FNDC1: variants seen among roughly 807,000 people sequenced by gnomAD.
FNDC1 encodes fibronectin type III domain-containing protein 1.
FNDC1 carries 96 observed loss-of-function variants against 168.0 expected under a neutral mutation model. The observed-to-expected ratio is 0.57, with a 90% CI of 0.48 to 0.68. The LOEUF is 0.68. FNDC1 is among the 30% of genes least tolerant of loss of function. The pLI, the probability that FNDC1 is intolerant of heterozygous loss-of-function variation, is 0.00. For synonymous variants in FNDC1, 1,099 were observed against 1,025.9 expected (o/e 1.07, Z -1.36); for missense variants, 2,587 against 2,482.1 (o/e 1.04, Z -0.90).
intron 14 of FNDC1, among the ~76,000 whole-genome samples, chr6:159,241,662 C>T (rs978477953): frequency 2.0e-5 from 3 of 152,180 alleles, no homozygotes; most frequent in Admixed American, 1.3e-4. Flanking sequence ...AAAAAGACTT[C>T]CATATGCCCT....
intron 1 of FNDC1, among the ~76,000 whole-genome samples, chr6:159,188,332 G>A: frequency 6.6e-6 from 1 of 151,516 alleles, no homozygotes; most frequent in Admixed American, 6.6e-5. Flanking sequence ...CACTAGGAAT[G>A]GCAGTCGTAC....
intron 22 of FNDC1, among the ~76,000 whole-genome samples, chr6:159,269,838 T>G (rs748279824): frequency 6.6e-6 from 1 of 152,150 alleles, no homozygotes; most frequent in Non-Finnish European, 1.5e-5. Flanking sequence ...TTTGAATGAT[T>G]GGACAAGGCC....
At chr6:159,177,081 T>C (rs148226937) in intron 1 of FNDC1, among the ~76,000 whole-genome samples, 92 of 152,180 alleles carry the variant, frequency 6.0e-4, no homozygotes, top group African/African-American at 2.0e-3. Context: ...TCTTGAACAG[T>C]TGAGTATGTT....
intron 11 of FNDC1, 112 bp downstream of exon 11, chr6:159,234,591 G>T: frequency 5.1e-6 from 5 of 979,454 alleles, no homozygotes; most frequent in Non-Finnish European, 7.6e-6. Context: ...CACGCACCGT[G>T]TTAAGAGCTT....
intron 5 of FNDC1, 38 bp downstream of exon 5, chr6:159,215,189 G>A: frequency 1.3e-6 from 2 of 1,565,032 alleles, no homozygotes; most frequent in Non-Finnish European, 1.8e-6. Context: ...TGTTTCCATG[G>A]TCTTTGGGAT....
intron 10 of FNDC1, among the ~76,000 whole-genome samples, chr6:159,230,306 A>G (rs1783053597): frequency 6.6e-6 from 1 of 152,184 alleles, no homozygotes; most frequent in Admixed American, 6.5e-5. Flanking sequence ...GAACATTTTT[A>G]CAAATGGTAG....
At chr6:159,192,754 A>G (rs1209638172) in intron 1 of FNDC1, among the ~76,000 whole-genome samples, 1 of 152,204 alleles carries the variant, frequency 6.6e-6, no homozygotes, top group Non-Finnish European at 1.5e-5. Flanking sequence ...AAGCCTGTGT[A>G]GCATCCCACA....
chr6:159,266,197 C>G lies in FNDC1; in HGVS notation c.5398C>G (p.Leu1800Val). 1 of 1,613,988 alleles carries G rather than the reference C, an allele frequency of 6.2e-7. No individual in the cohort carries two copies. Among genetic ancestry groups the G allele is most frequent in the Non-Finnish European group, 8.5e-7 (1 of 1,179,880 alleles). Residue 1800 changes from leucine (L) to valine (V), a missense_variant, in exon 21 of 23, where the codon CTT becomes GTT. By Grantham distance (32) the Leu-to-Val change is conservative. Transcript: ENST00000297267. The stretch of plus-strand genomic sequence containing the variant: ...GTATCGAAAGTTCGTGGGAGTTGTT[C>G]TTTGTAATTCACTGAGGTATAAAAT... ...TWYRKFVGVVLCNSLRYKIYL... is the reference protein window; with the variant it reads ...TWYRKFVGVVVCNSLRYKIYL...
intron 4 of FNDC1, among the ~76,000 whole-genome samples, chr6:159,207,691 T>C (rs1445965133): frequency 1.3e-5 from 2 of 152,104 alleles, no homozygotes; most frequent in Admixed American, 1.3e-4. Context: ...GTGAAGCCAA[T>C]GTGTGTGTGT....
At position 159,236,073 on chromosome 6, in the gene FNDC1, A is replaced by G. The variant is rs1237636416; in HGVS notation, c.3968-142A>G. On this transcript the variant is annotated intron_variant, in intron 11 of 22. Transcript: ENST00000297267. ...TAATTTGAGACTATCATTATCTAATATATTTGAGCTATTGGTTTAAAATTC... is the reference window on the plus strand; with the variant it reads ...TAATTTGAGACTATCATTATCTAATGTATTTGAGCTATTGGTTTAAAATTC... 5.1e-6 allele frequency: 3 copies of G among 590,362 alleles called. No individual in the cohort carries two copies. In the East Asian group the frequency reaches 8.4e-5, roughly 17 times the overall value. The allele number at this position is 590,362 out of a possible 1,614,324, so 36.6% of individuals were successfully genotyped here.
chr6:159,200,208 G>T, intron 3 of FNDC1, 126 bp downstream of exon 3: 1 of 736,876 alleles, frequency 1.4e-6, no homozygotes, highest in South Asian at 1.8e-5. Flanking sequence ...GAACTTTTTA[G>T]ACTTGTATAG....
chr6:159,242,601 T>C (rs1025800942), intron 14 of FNDC1, among the ~76,000 whole-genome samples: 10 of 152,234 alleles, frequency 6.6e-5, no homozygotes, highest in African/African-American at 2.4e-4. Context: ...TGGATGTTAA[T>C]ATATTTACAG....
rs371460598 is a variant in FNDC1 at position 159,239,759 on chromosome 6, C to T, written c.4423C>T (p.Arg1475Cys). 8 of 29,266 alleles carry T rather than the reference C, an allele frequency of 2.7e-4. No individual in the cohort carries two copies. Among genetic ancestry groups the T allele is most frequent in the East Asian group, 5.8e-4 (3 of 5,166 alleles). The allele number at this position is 29,266 out of a possible 1,614,324, so 1.8% of individuals were successfully genotyped here. A position where few individuals can be genotyped will look rare whatever the true frequency, so the allele number is the denominator to read the frequency against. ...GAGGCCCACCACTGCCACCACCCGC[C>T]GCACGACCACCACCCGCCGCACGAC... is the stretch of plus-strand genomic sequence containing the variant. ...TPRPTTATTR[R>C]TTTTRRTTTR... Residue 1475 changes from arginine to cysteine, a missense_variant, in exon 14 of 23, where the codon CGC (arginine) becomes TGC (cysteine). Coordinates refer to ENST00000297267, the MANE Select transcript of FNDC1 (RefSeq NM_032532.3).
At position 159,234,407 on chromosome 6, in the gene FNDC1, C is replaced by A. The variant is rs1321513185; in HGVS notation, c.3895C>A (p.Arg1299Ser). 3.1e-6 allele frequency: 5 copies of A among 1,613,404 alleles called. No individual in the cohort carries two copies. Among genetic ancestry groups the A allele is most frequent in the African/African-American group, 2.7e-5 (2 of 74,934 alleles). ...HFSTTPMLSL[R>S]QRMMHARFRN... Reference sequence around the variant, plus strand: ...CTCCACCACCCCGATGCTGTCCTTGCGCCAGAGGATGATGCATGCCAGATT... The same window carrying A: ...CTCCACCACCCCGATGCTGTCCTTGAGCCAGAGGATGATGCATGCCAGATT... The change falls in exon 11 of 23, where the codon CGC (arginine) becomes AGC (serine). Residue 1299 changes from arginine to serine, a missense_variant. By Grantham distance (110) the Arg-to-Ser change is moderately radical (BLOSUM62 -1). Coordinates refer to ENST00000297267, the MANE Select transcript of FNDC1 (RefSeq NM_032532.3).
At chr6:159,213,701 CA>C (rs58561910) in intron 4 of FNDC1, among the ~76,000 whole-genome samples, 45,149 of 137,936 alleles carry the variant, frequency 0.33, 7,464 homozygotes, top group African/African-American at 0.49. Flanking sequence ...GGACTAAAAA[CA>C]AAAAAAAAAA....
In FNDC1 at chr6:159,271,406, G is replaced by A; in HGVS notation, c.5649G>A (p.Trp1883Ter). 1 of 1,612,000 alleles carries A rather than the reference G, an allele frequency of 6.2e-7. No homozygotes were observed. The highest frequency in any genetic ancestry group is 1.1e-5 in the South Asian group (1 of 90,374). The change falls in exon 23 of 23, where the codon TGG (tryptophan) becomes TGA (stop). Residue 1883 changes from tryptophan (W) to a stop codon, truncating the protein, a stop_gained. Transcript: ENST00000297267. LOFTEE classifies it high-confidence loss of function. ...GFGTPYYYVGWYECGVSIPGK... is the reference protein window; with the variant it reads ...GFGTPYYYVG ...GAACCCCCTACTACTATGTGGGCTG[G>A]TACGAGTGTGGGGTCTCCATCCCTG...
intron 1 of FNDC1, among the ~76,000 whole-genome samples, chr6:159,183,526 G>A (rs1209228315): frequency 1.3e-5 from 2 of 152,228 alleles, no homozygotes; most frequent in Non-Finnish European, 2.9e-5. Flanking sequence ...TTCCACATAT[G>A]GATGGTCTTT....
intron 1 of FNDC1, among the ~76,000 whole-genome samples, chr6:159,174,015 C>T (rs1389596207): frequency 6.6e-6 from 1 of 152,116 alleles, no homozygotes. Flanking sequence ...TTTTCATTGG[C>T]CCCCCATGGA....
At chr6:159,269,542 C>T (rs896944094) in intron 22 of FNDC1, among the ~76,000 whole-genome samples, 7 of 150,772 alleles carry the variant, frequency 4.6e-5, no homozygotes, top group Non-Finnish European at 8.9e-5. Flanking sequence ...ATCCATCCAT[C>T]CATCCATCCA....
Sources: allele counts gnomAD v4.1 joint callset (sites outside exome capture counted in the v4.1 genomes callset), GRCh38; gene constraint gnomAD v4.1.1; transcripts MANE v1.5; gene names NCBI Gene and HGNC (gene_info 2026-07-23, HGNC 2026-07-21).